The following KCNG3 variants were observed in gnomAD, a reference collection of about 807,000 sequenced individuals.
The protein encoded by KCNG3 is voltage-gated potassium channel regulatory subunit KCNG3.
A neutral mutation model predicts 29.0 loss-of-function variants in KCNG3; 15 were observed. The observed-to-expected ratio is 0.52, with a 90% CI of 0.35 to 0.80. KCNG3 has a LOEUF of 0.80. Ranked by LOEUF, KCNG3 falls within the 30% of genes least tolerant of loss-of-function variation. The pLI is 0.01. For missense variants in KCNG3, 512 were observed against 605.7 expected (o/e 0.85, Z 1.62); for synonymous variants, 322 against 248.9 (o/e 1.29, Z -2.76).
chr2:42,417,935 G>GA, the KCNG3 span, among the ~76,000 whole-genome samples: 1 of 151,662 alleles, frequency 6.6e-6, no homozygotes, highest in Non-Finnish European at 1.5e-5. Flanking sequence ...TCGCGCCACT[G>GA]CACTCCAGCC....
intron 1 of KCNG3, among the ~76,000 whole-genome samples, chr2:42,468,763 G>A (rs2103703091): frequency 6.6e-6 from 1 of 151,692 alleles, no homozygotes; most frequent in Non-Finnish European, 1.5e-5. Context: ...GACCAACCTG[G>A]CCAAGATGGT....
At chr2:42,406,408 G>A in the KCNG3 span, among the ~76,000 whole-genome samples, 18 of 149,866 alleles carry the variant, frequency 1.2e-4, no homozygotes, top group African/African-American at 4.4e-4. Context: ...TAGTAGAGAT[G>A]AGGTTTTTCC....
chr2:42,452,561 T>G (rs1425891343), intron 1 of KCNG3, among the ~76,000 whole-genome samples: 1 of 151,950 alleles, frequency 6.6e-6, no homozygotes, highest in Non-Finnish European at 1.5e-5. Flanking sequence ...CCTTCTACTC[T>G]CTATATTCAT....
At chr2:42,455,679 G>A (rs1007653786) in intron 1 of KCNG3, among the ~76,000 whole-genome samples, 3 of 152,084 alleles carry the variant, frequency 2.0e-5, no homozygotes, top group African/African-American at 4.8e-5. Context: ...TGAAGTGGGA[G>A]GATCACTTGG....
chr2:42,415,240 T>C, the KCNG3 span, among the ~76,000 whole-genome samples: 2 of 152,182 alleles, frequency 1.3e-5, no homozygotes, highest in African/African-American at 2.4e-5. Context: ...TTCCAGATCA[T>C]GCACTACCTT....
At chr2:42,425,257 G>A in the KCNG3 span, among the ~76,000 whole-genome samples, 3 of 151,696 alleles carry the variant, frequency 2.0e-5, no homozygotes, top group East Asian at 1.9e-4. Context: ...AAAAATTAGC[G>A]GGGCGTGGTG....
Position 42,443,925 on chromosome 2 carries a change from T to A in KCNG3, c.*9A>T. On this transcript the variant is annotated 3_prime_UTR_variant, in exon 2 of 2. Transcript: ENST00000306078. ...TATGAAGTGTATGCAAGAATTGATT[T>A]GCAATGCATTAATTCAGGAATTCAG... 1 of 1,591,960 alleles carries A rather than the reference T, an allele frequency of 6.3e-7. No individual in the cohort carries two copies. The highest frequency in any genetic ancestry group is 8.5e-7 in the Non-Finnish European group (1 of 1,169,684).
At chr2:42,440,603 T>A (rs1022095671), downstream of KCNG3, among the ~76,000 whole-genome samples, 1 of 151,934 alleles carries the variant, frequency 6.6e-6, no homozygotes, top group Non-Finnish European at 1.5e-5. Flanking sequence ...TCACAGGACA[T>A]CTGGACAAAG....
At position 42,492,823 on chromosome 2, in the gene KCNG3, G is replaced by A; in HGVS notation, c.665+14C>T. 2 of 1,466,818 alleles carry A rather than the reference G, an allele frequency of 1.4e-6. No individual in the cohort carries two copies. The highest frequency in any genetic ancestry group is 1.8e-6 in the Non-Finnish European group (2 of 1,111,310). The allele number at this position is 1,466,818 out of a possible 1,614,324, so 90.9% of individuals were successfully genotyped here. On this transcript the variant is annotated intron_variant, in intron 1 of 1. Transcript: ENST00000306078. Reference sequence around the variant, plus strand: ...CAGGACGGACGGGACGGGTAGAGAAGCAGTGCGTCCTACCCGGAGGGCTCC... The same window carrying A: ...CAGGACGGACGGGACGGGTAGAGAAACAGTGCGTCCTACCCGGAGGGCTCC...
the KCNG3 span, among the ~76,000 whole-genome samples, chr2:42,429,667 A>G: frequency 6.6e-5 from 10 of 152,154 alleles, no homozygotes; most frequent in Non-Finnish European, 1.5e-4. Flanking sequence ...GCCCACATCA[A>G]TCACCTCACC....
chr2:42,468,245 G>T (rs1415608340), intron 1 of KCNG3, among the ~76,000 whole-genome samples: 1 of 152,154 alleles, frequency 6.6e-6, no homozygotes, highest in Non-Finnish European at 1.5e-5. Context: ...TTTCCAGACA[G>T]TATCACTGTC....
At chr2:42,475,388 G>T (rs1309362359) in intron 1 of KCNG3, among the ~76,000 whole-genome samples, 4 of 149,168 alleles carry the variant, frequency 2.7e-5, no homozygotes, top group Non-Finnish European at 5.9e-5. Context: ...GAGTACAGTG[G>T]TGCGATCTTG....
At chr2:42,477,355 G>C (rs941397651) in intron 1 of KCNG3, among the ~76,000 whole-genome samples, 1 of 145,826 alleles carries the variant, frequency 6.9e-6, no homozygotes, top group African/African-American at 2.6e-5. Context: ...ATATATGTGT[G>C]TGTATATACA....
chr2:42,411,485 A>AT, the KCNG3 span, among the ~76,000 whole-genome samples: 23 of 150,920 alleles, frequency 1.5e-4, no homozygotes, highest in South Asian at 6.3e-4. Flanking sequence ...CATGTCTTAT[A>AT]TTTTTTTTTG....
chr2:42,449,883 G>A (rs1195268596), intron 1 of KCNG3, among the ~76,000 whole-genome samples: 6 of 152,146 alleles, frequency 3.9e-5, no homozygotes, highest in Non-Finnish European at 7.4e-5. Context: ...ATTGGCTTGT[G>A]GGTAAGATGT....
chr2:42,419,906 C>T, the KCNG3 span, among the ~76,000 whole-genome samples: 1 of 152,074 alleles, frequency 6.6e-6, no homozygotes, highest in Non-Finnish European at 1.5e-5. Context: ...GATTTCCACA[C>T]TACTATCTGC....
chr2:42,490,406 T>C (rs1325803232), intron 1 of KCNG3, among the ~76,000 whole-genome samples: 1 of 151,912 alleles, frequency 6.6e-6, no homozygotes, highest in African/African-American at 2.4e-5. Flanking sequence ...AGAAACCCCA[T>C]CTCTACTAAA....
chr2:42,450,550 A>T (rs936705615), intron 1 of KCNG3, among the ~76,000 whole-genome samples: 14 of 152,232 alleles, frequency 9.2e-5, no homozygotes, highest in African/African-American at 3.4e-4. Flanking sequence ...AACTAAAGAT[A>T]CATCACATTC....
At chr2:42,403,396 G>A in the KCNG3 span, among the ~76,000 whole-genome samples, 1 of 151,834 alleles carries the variant, frequency 6.6e-6, no homozygotes, top group Non-Finnish European at 1.5e-5. Context: ...TCCCACCTTG[G>A]CCTCCCAAAG....
Sources: allele counts gnomAD v4.1 joint callset (sites outside exome capture counted in the v4.1 genomes callset), GRCh38; gene constraint gnomAD v4.1.1; transcripts MANE v1.5; gene names NCBI Gene and HGNC (gene_info 2026-07-23, HGNC 2026-07-21).